NKAIN3: variants seen among roughly 807,000 people sequenced by gnomAD.
The protein encoded by NKAIN3 is sodium/potassium-transporting ATPase subunit beta-1-interacting protein 3.
Under a neutral mutation model 30.2 loss-of-function variants are expected in NKAIN3, and 25 were observed. That is an observed-to-expected ratio of 0.83 (90% CI 0.60 to 1.16). The LOEUF is 1.16. Ranked by LOEUF, NKAIN3 falls within the 50% of genes most tolerant of loss-of-function variation. The pLI is 0.00. For missense variants in NKAIN3, 225 were observed against 254.1 expected, an observed-to-expected ratio of 0.89 and a Z score of 0.78; for synonymous variants, 91 against 89.6, an observed-to-expected ratio of 1.02 and a Z score of -0.09.
chr8:62,716,462 C>T (rs1393883668), intron 3 of NKAIN3, among the ~76,000 whole-genome samples: 4 of 152,108 alleles, frequency 2.6e-5, no homozygotes, highest in African/African-American at 9.7e-5. Flanking sequence ...GACAGTTGTA[C>T]ATTAGAAGCT....
At position 62,267,072 on chromosome 8, in the gene NKAIN3, G is replaced by T. The variant is rs190604476; in HGVS notation, c.54+17945G>T. Reference sequence around the variant, plus strand: ...CCAGGCTAAGCCCCAGTTATGGGGCGCATCTGCCCTGCATCACATCCATCA... The same window carrying T: ...CCAGGCTAAGCCCCAGTTATGGGGCTCATCTGCCCTGCATCACATCCATCA... On this transcript the variant is annotated intron_variant, in intron 1 of 6. Coordinates refer to ENST00000623646, the MANE Select transcript of NKAIN3 (RefSeq NM_001304533.3). Among the ~76,000 whole-genome samples, 377 of 152,312 alleles carry T rather than the reference G, an allele frequency of 2.5e-3. 1 individual carries two copies. The highest frequency in any genetic ancestry group is 8.6e-3 in the African/African-American group (356 of 41,570).
At chr8:62,375,449 C>G (rs576447658) in intron 1 of NKAIN3, among the ~76,000 whole-genome samples, 1 of 152,196 alleles carries the variant, frequency 6.6e-6, no homozygotes, top group Non-Finnish European at 1.5e-5. Flanking sequence ...GGAGGGAGAG[C>G]TCAGACCTGA....
chr8:62,380,881 G>C (rs1817255358), intron 1 of NKAIN3, among the ~76,000 whole-genome samples: 1 of 152,094 alleles, frequency 6.6e-6, no homozygotes, highest in African/African-American at 2.4e-5. Flanking sequence ...TATGAGCTCG[G>C]TTGTAAGCCA....
chr8:62,803,508 A>G (rs1159566099), intron 4 of NKAIN3, among the ~76,000 whole-genome samples: 1 of 152,204 alleles, frequency 6.6e-6, no homozygotes, highest in African/African-American at 2.4e-5. Flanking sequence ...CTGCTCCTGA[A>G]TGACTACTGG....
At chr8:62,369,306 T>C (rs1024286697) in intron 1 of NKAIN3, among the ~76,000 whole-genome samples, 2 of 152,146 alleles carry the variant, frequency 1.3e-5, no homozygotes. Flanking sequence ...ACATTGTGTC[T>C]ATGAGGGTGT....
At chr8:62,869,211 G>A (rs987088389) in intron 4 of NKAIN3, among the ~76,000 whole-genome samples, 7 of 152,282 alleles carry the variant, frequency 4.6e-5, no homozygotes, top group African/African-American at 1.7e-4. Flanking sequence ...TTGTTATATA[G>A]GTATGCATGT....
chr8:62,589,640 A>T (rs1184789728), intron 2 of NKAIN3, 74 bp from the exon 3 acceptor site: 2 of 628,270 alleles, frequency 3.2e-6, no homozygotes, highest in East Asian at 5.8e-5. Context: ...CATTTTTATT[A>T]TTGATTTATT....
intron 1 of NKAIN3, among the ~76,000 whole-genome samples, chr8:62,567,202 T>C (rs1179936598): frequency 6.6e-6 from 1 of 152,084 alleles, no homozygotes; most frequent in African/African-American, 2.4e-5. Context: ...GGGTTGGTCC[T>C]AGAAGGAGTG....
rs192007346 is a variant in NKAIN3, at chr8:62,261,118, T to C, written c.54+11991T>C. On this transcript the variant is annotated intron_variant, in intron 1 of 6. Coordinates refer to ENST00000623646, the MANE Select transcript of NKAIN3 (RefSeq NM_001304533.3). ...GCTTTCTTCATAAGGCCAGTTTTTT[T>C]CCTTGTACCAAATTGGAACTGATTC... Among the ~76,000 whole-genome samples the C allele has an allele frequency of 2.7e-4, 41 of 152,330 alleles. No homozygotes were observed. In the East Asian group the frequency reaches 7.5e-3, roughly 28 times the overall value.
At chr8:62,779,759 A>G (rs1165391101) in intron 4 of NKAIN3, among the ~76,000 whole-genome samples, 3 of 152,164 alleles carry the variant, frequency 2.0e-5, no homozygotes, top group Non-Finnish European at 4.4e-5. Flanking sequence ...AATTATACCA[A>G]GTATCTTCTC....
At chr8:62,542,629 G>GA (rs1214076058) in intron 1 of NKAIN3, among the ~76,000 whole-genome samples, 5 of 149,972 alleles carry the variant, frequency 3.3e-5, no homozygotes, top group Admixed American at 6.6e-5. Flanking sequence ...AGGTATTTCA[G>GA]AAAAAAAAAG....
At chr8:62,857,049 G>A (rs62510783) in intron 4 of NKAIN3, 44,825 of 499,134 alleles carry the variant, frequency 0.09, 2,335 homozygotes, top group Middle Eastern at 0.14. Context: ...CTTCTTCATC[G>A]GCCTCAGTTT....
At chr8:62,739,782 A>C (rs1815805071) in intron 3 of NKAIN3, among the ~76,000 whole-genome samples, 1 of 152,200 alleles carries the variant, frequency 6.6e-6, no homozygotes, top group South Asian at 2.1e-4. Flanking sequence ...AAATTCTAGC[A>C]ATACCTAGTT....
chr8:62,843,174 G>C (rs959185782), intron 4 of NKAIN3, among the ~76,000 whole-genome samples: 4 of 151,888 alleles, frequency 2.6e-5, no homozygotes, highest in Admixed American at 6.6e-5. Flanking sequence ...GTTGTTGGTT[G>C]TTGCTGGCTT....
At chr8:62,582,219 T>G (rs1390382934) in intron 2 of NKAIN3, among the ~76,000 whole-genome samples, 2 of 151,902 alleles carry the variant, frequency 1.3e-5, no homozygotes, top group Non-Finnish European at 2.9e-5. Flanking sequence ...TCCTTCTCCC[T>G]TTTTTCTTCT....
At chr8:62,322,323 G>C (rs888311969) in intron 1 of NKAIN3, among the ~76,000 whole-genome samples, 6 of 152,092 alleles carry the variant, frequency 3.9e-5, no homozygotes, top group Admixed American at 3.9e-4. Context: ...TCGGTGCACT[G>C]TACCCACTGT....
At chr8:62,930,997 A>C (rs1377956793) in intron 5 of NKAIN3, among the ~76,000 whole-genome samples, 1 of 152,202 alleles carries the variant, frequency 6.6e-6, no homozygotes, top group Non-Finnish European at 1.5e-5. Context: ...GTAAGCCACC[A>C]CACTGAAACT....
At chr8:62,489,412 CAT>C (rs1807003333) in intron 1 of NKAIN3, among the ~76,000 whole-genome samples, 2 of 152,276 alleles carry the variant, frequency 1.3e-5, no homozygotes, top group Admixed American at 1.3e-4. Flanking sequence ...ACATTATAGA[CAT>C]GTGCTAACCT....
chr8:62,719,886 A>G (rs1239756371), intron 3 of NKAIN3, among the ~76,000 whole-genome samples: 1 of 150,520 alleles, frequency 6.6e-6, no homozygotes, highest in African/African-American at 2.4e-5. Context: ...CCTCCCGAGT[A>G]GCTGGGACTA....
Sources: allele counts gnomAD v4.1 joint callset (sites outside exome capture counted in the v4.1 genomes callset), GRCh38; gene constraint gnomAD v4.1.1; transcripts MANE v1.5; gene names NCBI Gene and HGNC (gene_info 2026-07-23, HGNC 2026-07-21).